ZNF516: variants seen among roughly 807,000 people sequenced by gnomAD.
The protein encoded by ZNF516 is zinc finger protein 516.
A neutral mutation model predicts 79.7 loss-of-function variants in ZNF516; 19 were observed. The ratio of observed to expected loss-of-function variants is 0.24; its 90% CI spans 0.17 to 0.35. The LOEUF (loss-of-function observed/expected upper bound fraction) is 0.35, where lower values mean the gene tolerates loss of function less well. Ranked by LOEUF, ZNF516 falls within the 10% of genes least tolerant of loss-of-function variation. The pLI is 1.00. For missense variants in ZNF516, 1,678 were observed against 1,679.5 expected, an observed-to-expected ratio of 1.00 and a Z score of 0.02; for synonymous variants, 877 against 739.5, an observed-to-expected ratio of 1.19 and a Z score of -3.02.
At chr18:76,472,657 G>A (rs1396035935) in intron 1 of ZNF516, among the ~76,000 whole-genome samples, 1 of 152,192 alleles carries the variant, frequency 6.6e-6, no homozygotes, top group African/African-American at 2.4e-5. Context: ...CCTCCATAAG[G>A]ACGAGTGTCC....
chr18:76,453,319 T>C (rs75740895), intron 2 of ZNF516, among the ~76,000 whole-genome samples: 1 of 152,112 alleles, frequency 6.6e-6, no homozygotes, highest in Non-Finnish European at 1.5e-5. Context: ...TCCAGAAGCT[T>C]AGAATTGCAT....
In ZNF516 at chr18:76,441,609, G is replaced by A. The variant is rs527832717; in HGVS notation, c.1446C>T (p.Ser482=). 2.8e-5 allele frequency: 42 copies of A among 1,483,262 alleles called. No individual in the cohort carries two copies. In the South Asian group the frequency reaches 4.8e-4, roughly 17 times the overall value. The allele number at this position is 1,483,262 out of a possible 1,614,324, so 91.9% of individuals were successfully genotyped here. Residue 482 remains serine (S), a synonymous_variant, in exon 3 of 7, where the codon AGC becomes AGT. Transcript: ENST00000443185. ...CGGCGGGCGCGGGGTCCCCAGGCCCGCTCGCGCGCTTCCGCGGGGGCCCCT... is the reference window on the plus strand; with the variant it reads ...CGGCGGGCGCGGGGTCCCCAGGCCCACTCGCGCGCTTCCGCGGGGGCCCCT... ...AAQGPPRKRA[S]GPGDPAPAGH... is the part of the protein sequence containing the mutation.
intron 5 of ZNF516, among the ~76,000 whole-genome samples, chr18:76,371,182 G>A (rs2074697402): frequency 1.3e-5 from 2 of 152,156 alleles, no homozygotes; most frequent in African/African-American, 4.8e-5. Flanking sequence ...CCATTCATTA[G>A]CATATTCATT....
At chr18:76,419,318 G>A (rs2075476941) in intron 3 of ZNF516, among the ~76,000 whole-genome samples, 1 of 152,142 alleles carries the variant, frequency 6.6e-6, no homozygotes, top group South Asian at 2.1e-4. Flanking sequence ...CATACTAAAG[G>A]GACACGTGTA....
chr18:76,371,421 C>CTCT, intron 5 of ZNF516, 46 bp downstream of exon 5: 1 of 1,552,008 alleles, frequency 6.4e-7, no homozygotes, highest in Non-Finnish European at 8.7e-7. Context: ...GAAGAGACCC[C>CTCT]TCTTCCTCTG....
At position 76,493,019 on chromosome 18, in the gene ZNF516, GGA is replaced by G; in HGVS notation, c.-272+2123_-272+2124del. ...ACACACCCCAAATTACCTCCGGGATGGAGAAAGCCGCTGCGGATTGGCCAGCA... is the reference window on the plus strand; with the variant it reads ...ACACACCCCAAATTACCTCCGGGATGGAAAGCCGCTGCGGATTGGCCAGCA... On this transcript the variant is annotated intron_variant, in intron 1 of 6. Transcript: ENST00000443185. This position sits in a 1 kb window ranked among gnomAD's most constrained non-coding sequence, Gnocchi z 5.2. 4 of 985,464 alleles carry G rather than the reference GGA, an allele frequency of 4.1e-6. No homozygotes were observed. The highest frequency in any genetic ancestry group is 4.8e-6 in the Non-Finnish European group (4 of 829,992). The allele number at this position is 985,464 out of a possible 1,614,324, so 61.0% of individuals were successfully genotyped here.
intron 1 of ZNF516, chr18:76,487,928 G>A (rs566168945): frequency 1.8e-4 from 178 of 985,396 alleles, no homozygotes; most frequent in Middle Eastern, 1.0e-3. Flanking sequence ...GGAGGGGAGG[G>A]AGAAGAAGGG....
chr18:76,430,901 C>G (rs2075652379), intron 3 of ZNF516, among the ~76,000 whole-genome samples: 1 of 152,188 alleles, frequency 6.6e-6, no homozygotes, highest in Admixed American at 6.5e-5. Context: ...GTAAAGAAAG[C>G]AGGAGACAAG....
rs1912983905 is a variant in ZNF516 at position 76,459,788 on chromosome 18, T to C, written c.-158+3240A>G. 6.6e-6 allele frequency among the ~76,000 whole-genome samples: 1 copy of C among 152,140 alleles called. No homozygotes were observed. The highest frequency in any genetic ancestry group is 1.5e-5 in the Non-Finnish European group (1 of 68,024). Reference sequence around the variant, plus strand: ...CAACGCGGGAGGATTCAGGGCCAACTGCAGGCCCCCGGAGACGAGGTTAGA... The same window carrying C: ...CAACGCGGGAGGATTCAGGGCCAACCGCAGGCCCCCGGAGACGAGGTTAGA... On this transcript the variant is annotated intron_variant, in intron 2 of 6. Transcript: ENST00000443185. This position sits in a 1 kb window ranked among gnomAD's most constrained non-coding sequence, Gnocchi z 5.0.
At chr18:76,424,456 G>T (rs35048526) in intron 3 of ZNF516, among the ~76,000 whole-genome samples, 1 of 126,088 alleles carries the variant, frequency 7.9e-6, no homozygotes, top group African/African-American at 3.1e-5. Context: ...GCTCCCTCGA[G>T]ACACACGCAG....
intron 3 of ZNF516, among the ~76,000 whole-genome samples, chr18:76,391,451 A>G (rs921331812): frequency 1.3e-5 from 2 of 151,876 alleles, no homozygotes; most frequent in East Asian, 1.9e-4. Context: ...CCCTAATCCA[A>G]CTCTAACCCT....
At chr18:76,390,860 G>A (rs2075062153) in intron 3 of ZNF516, among the ~76,000 whole-genome samples, 1 of 152,272 alleles carries the variant, frequency 6.6e-6, no homozygotes, top group African/African-American at 2.4e-5. Context: ...CTCGGAAAAG[G>A]TCTAGGGAGG....
intron 3 of ZNF516, among the ~76,000 whole-genome samples, chr18:76,437,994 T>C (rs560305477): frequency 3.9e-5 from 6 of 152,204 alleles, no homozygotes; most frequent in Non-Finnish European, 7.3e-5. Flanking sequence ...GGATGGAGTA[T>C]GGATTTTACA....
At chr18:76,426,450 C>G (rs1246225940) in intron 3 of ZNF516, among the ~76,000 whole-genome samples, 1 of 152,174 alleles carries the variant, frequency 6.6e-6, no homozygotes, top group Non-Finnish European at 1.5e-5. Flanking sequence ...GTCCAGTTAT[C>G]TAAAATACAG....
chr18:76,471,019 T>C (rs6565887), intron 1 of ZNF516, among the ~76,000 whole-genome samples: 10,702 of 152,298 alleles, frequency 0.07, 386 homozygotes, highest in Middle Eastern at 0.1. Context: ...TTCAAAGATA[T>C]TTTTGTAAGT....
intron 4 of ZNF516, among the ~76,000 whole-genome samples, chr18:76,372,153 C>T (rs577713102): frequency 1.3e-5 from 2 of 152,378 alleles, no homozygotes; most frequent in African/African-American, 4.8e-5. Context: ...AAGGTGCGTG[C>T]ACCTGCTGGC....
chr18:76,494,431 G>C (rs1485494760), intron 1 of ZNF516, among the ~76,000 whole-genome samples: 2 of 126,604 alleles, frequency 1.6e-5, no homozygotes, highest in African/African-American at 3.1e-5. Flanking sequence ...ACCCCTCTCC[G>C]AGTCGGTGCC....
intron 3 of ZNF516, among the ~76,000 whole-genome samples, chr18:76,419,728 T>G (rs1464932487): frequency 1.3e-5 from 2 of 152,254 alleles, no homozygotes; most frequent in African/African-American, 4.8e-5. Flanking sequence ...CTCCTTCACC[T>G]TCTACCATGA....
intron 3 of ZNF516, among the ~76,000 whole-genome samples, chr18:76,440,725 A>G (rs981368556): frequency 8.4e-6 from 1 of 118,738 alleles, no homozygotes; most frequent in African/African-American, 3.1e-5. Context: ...AGTGGAGGAA[A>G]GTGTGTGTGT....
Sources: allele counts gnomAD v4.1 joint callset (sites outside exome capture counted in the v4.1 genomes callset), GRCh38; gene constraint gnomAD v4.1.1; non-coding constraint Gnocchi (gnomAD v3.1); transcripts MANE v1.5; gene names NCBI Gene and HGNC (gene_info 2026-07-23, HGNC 2026-07-21).